Variants in PARD6B observed in about 807,000 individuals in gnomAD.
The protein encoded by PARD6B is partitioning defective 6 homolog beta.
A neutral mutation model predicts 10.5 loss-of-function variants in PARD6B; 4 were observed. The ratio of observed to expected loss-of-function variants is 0.38; its 90% CI spans 0.19 to 0.87. The LOEUF (loss-of-function observed/expected upper bound fraction) is 0.87, where lower values mean the gene tolerates loss of function less well. Among genes scored for constraint, PARD6B ranks in the 40% least tolerant of loss-of-function variants. The pLI is 0.41. For synonymous variants in PARD6B, 169 were observed against 170.4 expected, an observed-to-expected ratio of 0.99 and a Z score of 0.07; for missense variants, 396 against 470.6, an observed-to-expected ratio of 0.84 and a Z score of 1.47.
In PARD6B at chr20:50,750,643, A is replaced by G; in HGVS notation, c.*155A>G. On this transcript the variant is annotated 3_prime_UTR_variant, in exon 3 of 3. Transcript: ENST00000371610. ...ATATTATTAAAGTAGTAGTTTGATA[A>G]TTGTTAATATAAACTTTGGTGGATC... 1 of 1,409,536 alleles carries G rather than the reference A, an allele frequency of 7.1e-7. No individual in the cohort carries two copies. The highest frequency in any genetic ancestry group is 1.6e-5 in the South Asian group (1 of 61,524). 87.3% of individuals were successfully genotyped at this position (1,409,536 alleles called of 1,614,324 possible).
chr20:50,749,075 G>A (rs1363042328), intron 2 of PARD6B, among the ~76,000 whole-genome samples: 1 of 152,148 alleles, frequency 6.6e-6, no homozygotes, highest in Non-Finnish European at 1.5e-5. Context: ...CAGGTGCGGT[G>A]GCTCACGCCT....
intron 1 of PARD6B, 36 bp downstream of exon 1, chr20:50,731,888 T>C: frequency 1.4e-6 from 2 of 1,385,158 alleles, no homozygotes; most frequent in Admixed American, 3.3e-5. Context: ...GCGGCGGGCC[T>C]GGGGGGCCGG....
chr20:50,734,457 C>T (rs1600813846), intron 1 of PARD6B, among the ~76,000 whole-genome samples: 2 of 152,058 alleles, frequency 1.3e-5, no homozygotes, highest in East Asian at 3.8e-4. Flanking sequence ...AGCGATTCTC[C>T]GATTTCAGCC....
Position 50,750,593 on chromosome 20 carries a change from A to G in PARD6B, c.*105A>G. ...TGACCAGTGACGTGGAATAGGCATG[A>G]GACGAGTAACGTTGCAAGCTTACAA... On this transcript the variant is annotated 3_prime_UTR_variant, in exon 3 of 3. Coordinates refer to ENST00000371610, the MANE Select transcript of PARD6B (RefSeq NM_032521.3). 1 of 1,454,794 alleles carries G rather than the reference A, an allele frequency of 6.9e-7. No individual in the cohort carries two copies. Among genetic ancestry groups the G allele is most frequent in the Non-Finnish European group, 9.0e-7 (1 of 1,108,876 alleles). The allele number at this position is 1,454,794 out of a possible 1,614,324, so 90.1% of individuals were successfully genotyped here.
At chr20:50,748,430 A>G (rs2087581314) in intron 2 of PARD6B, among the ~76,000 whole-genome samples, 1 of 152,264 alleles carries the variant, frequency 6.6e-6, no homozygotes, top group Non-Finnish European at 1.5e-5. Context: ...CATCAGCATC[A>G]ATTACATTAT....
rs764305427 is a variant in PARD6B, at chr20:50,753,327, A to G, written c.*2839A>G. On this transcript the variant is annotated 3_prime_UTR_variant, in exon 3 of 3. Coordinates refer to ENST00000371610, the MANE Select transcript of PARD6B (RefSeq NM_032521.3). ...GATTACTAGATATATTGTAAAACCA[A>G]TAGATCCTGGTTATACGATAAAATA... The G allele has an allele frequency of 3.4e-4, 337 of 985,114 alleles. No individual in the cohort carries two copies. Among genetic ancestry groups the G allele is most frequent in the Non-Finnish European group, 3.7e-4 (309 of 829,366 alleles). The allele number at this position is 985,114 out of a possible 1,614,324, so 61.0% of individuals were successfully genotyped here.
Position 50,751,417 on chromosome 20 carries a change from G to A in PARD6B, c.*929G>A, listed in dbSNP as rs576476319. The A allele has an allele frequency of 2.9e-5, 23 of 799,754 alleles. No homozygotes were observed. The Admixed American group carries it at 4.9e-4, about 17-fold the overall frequency. 49.5% of individuals were successfully genotyped at this position (799,754 alleles called of 1,614,324 possible). On this transcript the variant is annotated 3_prime_UTR_variant, in exon 3 of 3. Transcript: ENST00000371610. ...ATCGCCCAGGCTGGAGTGCAGTGGC[G>A]CGATCTTGGCTCACTGCAAGCTCTA... is the stretch of plus-strand genomic sequence containing the variant.
In PARD6B at chr20:50,753,080, T is replaced by C; in HGVS notation, c.*2592T>C. The C allele has an allele frequency of 1.0e-6, 1 of 984,188 alleles. No individual in the cohort carries two copies. Among genetic ancestry groups the C allele is most frequent in the African/African-American group, 1.7e-5 (1 of 57,296 alleles). 61.0% of individuals were successfully genotyped at this position (984,188 alleles called of 1,614,324 possible). On this transcript the variant is annotated 3_prime_UTR_variant, in exon 3 of 3. Coordinates refer to ENST00000371610, the MANE Select transcript of PARD6B (RefSeq NM_032521.3). Reference sequence around the variant, plus strand: ...TTTTTACACACTACCTCTCTCTTTTTTTTTTTAAAGTTTTAACATCAGAAC... The same window carrying C: ...TTTTTACACACTACCTCTCTCTTTTCTTTTTTAAAGTTTTAACATCAGAAC...
At position 50,752,466 on chromosome 20, in the gene PARD6B, C is replaced by G; in HGVS notation, c.*1978C>G. ...ATTTTATGAGGCTATTTATTACTTT[C>G]CAATGCATCCACTTAGAACAAGCTA... On this transcript the variant is annotated 3_prime_UTR_variant, in exon 3 of 3. Transcript: ENST00000371610. The G allele has an allele frequency of 1.0e-6, 1 of 985,624 alleles. No individual in the cohort carries two copies. Among genetic ancestry groups the G allele is most frequent in the Non-Finnish European group, 1.2e-6 (1 of 829,834 alleles). The allele number at this position is 985,624 out of a possible 1,614,324, so 61.1% of individuals were successfully genotyped here. A position where few individuals can be genotyped will look rare whatever the true frequency, so the allele number is the denominator to read the frequency against.
intron 1 of PARD6B, among the ~76,000 whole-genome samples, chr20:50,734,354 C>CT (rs112746496): frequency 3.5e-4 from 52 of 147,030 alleles, no homozygotes; most frequent in African/African-American, 8.7e-4. Flanking sequence ...TGTGCCGGTC[C>CT]TTTTTTTTTT....
At chr20:50,735,560 A>T (rs1406549524) in intron 1 of PARD6B, among the ~76,000 whole-genome samples, 1 of 152,220 alleles carries the variant, frequency 6.6e-6, no homozygotes, top group African/African-American at 2.4e-5. Flanking sequence ...TTCACAAGTG[A>T]ATAATTGCTG....
At position 50,751,009 on chromosome 20, in the gene PARD6B, G is replaced by C; in HGVS notation, c.*521G>C. 1 of 620,896 alleles carries C rather than the reference G, an allele frequency of 1.6e-6. No homozygotes were observed. The highest frequency in any genetic ancestry group is 2.6e-5 in the African/African-American group (1 of 38,686). The allele number at this position is 620,896 out of a possible 1,614,324, so 38.5% of individuals were successfully genotyped here. The stretch of plus-strand genomic sequence containing the variant: ...TTTAGTGACTGGGTCTCACTCTGTT[G>C]CCCACACTGGAATGCAGTGGCATGA... On this transcript the variant is annotated 3_prime_UTR_variant, in exon 3 of 3. Transcript: ENST00000371610.
intron 1 of PARD6B, among the ~76,000 whole-genome samples, chr20:50,735,725 T>C (rs1478511224): frequency 6.6e-6 from 1 of 152,246 alleles, no homozygotes; most frequent in Non-Finnish European, 1.5e-5. Flanking sequence ...AGCCATACAA[T>C]TTTTTATTGT....
Position 50,750,988 on chromosome 20 carries a change from G to GTTTTTTTTTTTTTTTTTTTTTTT in PARD6B, c.*501_*502insTTTTTTTTTTTTTTTTTTTTTTT, listed in dbSNP as rs1568999536. 1 of 312,234 alleles carries GTTTTTTTTTTTTTTTTTTTTTTT rather than the reference G, an allele frequency of 3.2e-6. No individual in the cohort carries two copies. The highest frequency in any genetic ancestry group is 3.7e-6 in the Non-Finnish European group (1 of 271,006). The allele number at this position is 312,234 out of a possible 1,614,324, so 19.3% of individuals were successfully genotyped here. A position where few individuals can be genotyped will look rare whatever the true frequency, so the allele number is the denominator to read the frequency against. ...TTTTTTTTTTTTTTTTTTTTTTTTAGTGACTGGGTCTCACTCTGTTGCCCA... is the reference window on the plus strand; with the variant it reads ...TTTTTTTTTTTTTTTTTTTTTTTTAGTTTTTTTTTTTTTTTTTTTTTTTTGACTGGGTCTCACTCTGTTGCCCA... On this transcript the variant is annotated 3_prime_UTR_variant, in exon 3 of 3. Coordinates refer to ENST00000371610, the MANE Select transcript of PARD6B (RefSeq NM_032521.3).
At chr20:50,741,879 C>G (rs1488442956) in intron 2 of PARD6B, among the ~76,000 whole-genome samples, 2 of 152,028 alleles carry the variant, frequency 1.3e-5, no homozygotes, top group South Asian at 2.1e-4. Flanking sequence ...TGAGCAGATG[C>G]TTAACTAGAA....
Position 50,750,170 on chromosome 20 carries a change from G to C in PARD6B, c.801G>C (p.Gln267His). 6.2e-7 allele frequency: 1 copy of C among 1,614,254 alleles called. No individual in the cohort carries two copies. The highest frequency in any genetic ancestry group is 2.2e-5 in the East Asian group (1 of 44,894). ...RNSRTSGSSG[Q>H]STDNSLLGYP... ...GTCGGACTTCTGGCAGTTCCGGTCA[G>C]TCTACTGATAACAGCCTTCTTGGCT... Residue 267 changes from glutamine (Q) to histidine (H), a missense_variant, in exon 3 of 3, where the codon CAG becomes CAC. Coordinates refer to ENST00000371610, the MANE Select transcript of PARD6B (RefSeq NM_032521.3).
At chr20:50,745,055 T>A (rs2087558508) in intron 2 of PARD6B, among the ~76,000 whole-genome samples, 1 of 152,232 alleles carries the variant, frequency 6.6e-6, no homozygotes, top group Non-Finnish European at 1.5e-5. Context: ...ATTTGGTGAT[T>A]AATTTTTCTG....
rs1344138522 is a variant in PARD6B, at chr20:50,753,357, C to G, written c.*2869C>G. On this transcript the variant is annotated 3_prime_UTR_variant, in exon 3 of 3. Transcript: ENST00000371610. ...TCCTGGTTATACGATAAAATATCAG[C>G]TCATTGGTAGGCTGAATCAATTATT... is the stretch of plus-strand genomic sequence containing the variant. The G allele has an allele frequency of 1.0e-6, 1 of 985,042 alleles. No homozygotes were observed. Among genetic ancestry groups the G allele is most frequent in the Non-Finnish European group, 1.2e-6 (1 of 829,418 alleles). The allele number at this position is 985,042 out of a possible 1,614,324, so 61.0% of individuals were successfully genotyped here.
Position 50,752,284 on chromosome 20 carries a change from A to C in PARD6B, c.*1796A>C. On this transcript the variant is annotated 3_prime_UTR_variant, in exon 3 of 3. Coordinates refer to ENST00000371610, the MANE Select transcript of PARD6B (RefSeq NM_032521.3). ...TCATTTTGGATAAAAAATACATCCAAATTAAGATGTTTTAACACATAGGAC... is the reference window on the plus strand; with the variant it reads ...TCATTTTGGATAAAAAATACATCCACATTAAGATGTTTTAACACATAGGAC... 1 of 985,780 alleles carries C rather than the reference A, an allele frequency of 1.0e-6. No homozygotes were observed. The highest frequency in any genetic ancestry group is 1.2e-6 in the Non-Finnish European group (1 of 829,916). The allele number at this position is 985,780 out of a possible 1,614,324, so 61.1% of individuals were successfully genotyped here. A position where few individuals can be genotyped will look rare whatever the true frequency, so the allele number is the denominator to read the frequency against.
Sources: allele counts gnomAD v4.1 joint callset (sites outside exome capture counted in the v4.1 genomes callset), GRCh38; gene constraint gnomAD v4.1.1; transcripts MANE v1.5; gene names NCBI Gene and HGNC (gene_info 2026-07-23, HGNC 2026-07-21).